The following RYR2 variants were observed in gnomAD, a reference collection of about 807,000 sequenced individuals.
RYR2 encodes cardiac muscle ryanodine receptor-calcium release channel.
A neutral mutation model predicts 601.1 loss-of-function variants in RYR2; 227 were observed. The ratio of observed to expected loss-of-function variants is 0.38; its 90% confidence interval spans 0.34 to 0.42. RYR2 has a LOEUF of 0.42. Ranked by LOEUF, RYR2 falls within the 10% of genes least tolerant of loss-of-function variation. RYR2 has a pLI of 1.00. For synonymous variants in RYR2, 2,223 were observed against 2,175.1 expected, an observed-to-expected ratio of 1.02 and a Z score of -0.61; for missense variants, 4,646 against 6,156.5, an observed-to-expected ratio of 0.75 and a Z score of 8.21.
chr1:237,262,341 C>T (rs777351688), intron 1 of RYR2, among the ~76,000 whole-genome samples: 21 of 145,448 alleles, frequency 1.4e-4, no homozygotes, highest in Non-Finnish European at 3.1e-4. Flanking sequence ...CTGCAACCTC[C>T]GCCTCCCAGG....
chr1:237,784,952 G>C lies in RYR2; in HGVS notation c.13240G>C (p.Glu4414Gln), dbSNP rs1186955550. ...CATGAGCAACCCAGTCCCCATGCCT[G>C]AGGTGCAGGAAAAATTTCAGGTAAT... is the stretch of plus-strand genomic sequence containing the variant. ...DLMSNPVPMP[E>Q]VQEKFQEQKA... Residue 4414 changes from glutamate (E) to glutamine (Q), a missense_variant, in exon 90 of 105, where the codon GAG becomes CAG. By Grantham distance (29) the Glu-to-Gln change is conservative. This residue lies in a region of RYR2 where 364 missense variants were observed against 442.9 expected (regional missense o/e 0.82). Transcript: ENST00000366574. This position sits in a 1 kb window ranked among gnomAD's most constrained non-coding sequence, Gnocchi z 7.1. 7 of 1,594,622 alleles carry C rather than the reference G, an allele frequency of 4.4e-6. No homozygotes were observed. The South Asian group carries it at 4.5e-5, about 10-fold the overall frequency.
intron 60 of RYR2, among the ~76,000 whole-genome samples, chr1:237,676,831 A>AT (rs1238073246): frequency 6.6e-6 from 1 of 151,922 alleles, no homozygotes; most frequent in Non-Finnish European, 1.5e-5. Context: ...GCACAGAAGC[A>AT]TTTTTTTTAA....
intron 1 of RYR2, among the ~76,000 whole-genome samples, chr1:237,096,668 C>A (rs1298920302): frequency 2.0e-5 from 3 of 152,144 alleles, no homozygotes; most frequent in Non-Finnish European, 4.4e-5. Flanking sequence ...TTATTTTTAA[C>A]CTTCAGAAAA....
At chr1:237,201,266 C>G (rs907709098) in intron 1 of RYR2, among the ~76,000 whole-genome samples, 1 of 152,190 alleles carries the variant, frequency 6.6e-6, no homozygotes, top group Admixed American at 6.5e-5. Flanking sequence ...CTATTAGTGT[C>G]ACATTGAGGT....
In RYR2 at chr1:237,248,759, A is replaced by AT. The variant is rs34881922; in HGVS notation, c.49-21719dup. ...ATGACTAGACATTGAATGAATGTAC[A>AT]TTTTTTTTTTTTTTTTTTTGAGATG... On this transcript the variant is annotated intron_variant, in intron 1 of 104. Coordinates refer to ENST00000366574, the MANE Select transcript of RYR2 (RefSeq NM_001035.3). 5.1e-3 allele frequency among the ~76,000 whole-genome samples: 610 copies of AT among 119,898 alleles called. 1 individual carries two copies. The highest frequency in any genetic ancestry group is 0.014 in the East Asian group (57 of 4,126). 78.7% of individuals were successfully genotyped at this position (119,898 alleles called of 152,430 possible).
At chr1:237,212,843 C>T (rs958477608) in intron 1 of RYR2, among the ~76,000 whole-genome samples, 12 of 152,010 alleles carry the variant, frequency 7.9e-5, no homozygotes, top group Non-Finnish European at 1.8e-4. Context: ...AGCGTGATCT[C>T]GACTCACTGC....
chr1:237,747,930 A>G, intron 80 of RYR2, among the ~76,000 whole-genome samples: 1 of 152,166 alleles, frequency 6.6e-6, no homozygotes, highest in Admixed American at 6.6e-5. Context: ...ATTGAATCAT[A>G]GAGGGGAAAG....
At chr1:237,682,135 A>G (rs1206607192) in intron 62 of RYR2, among the ~76,000 whole-genome samples, 1 of 152,184 alleles carries the variant, frequency 6.6e-6, no homozygotes, top group African/African-American at 2.4e-5. Flanking sequence ...CATACTATGC[A>G]TATATCGAAG....
At chr1:237,773,340 G>A (rs1415428728) in intron 86 of RYR2, among the ~76,000 whole-genome samples, 180 bp from the exon 87 acceptor site, 1 of 152,080 alleles carries the variant, frequency 6.6e-6, no homozygotes, top group Non-Finnish European at 1.5e-5. Context: ...CTAAGAAGGA[G>A]GTTCACATAT....
chr1:237,299,130 T>TTA, intron 2 of RYR2, among the ~76,000 whole-genome samples: 1 of 151,496 alleles, frequency 6.6e-6, no homozygotes, highest in Non-Finnish European at 1.5e-5. Flanking sequence ...CTAGAGTCTT[T>TTA]TTTTTTTTCA....
intron 48 of RYR2, among the ~76,000 whole-genome samples, chr1:237,647,511 C>A (rs1682297248): frequency 2.6e-5 from 4 of 152,122 alleles, no homozygotes; most frequent in South Asian, 4.1e-4. Flanking sequence ...TCCTTTAGAA[C>A]ATTATTTGTT....
chr1:237,826,349 T>C (rs913374761), intron 101 of RYR2, among the ~76,000 whole-genome samples: 1 of 152,134 alleles, frequency 6.6e-6, no homozygotes, highest in African/African-American at 2.4e-5. Context: ...AAAAGGATGA[T>C]TTCATGTCCT....
At chr1:237,418,843 C>T (rs1001510020) in intron 11 of RYR2, among the ~76,000 whole-genome samples, 1 of 151,948 alleles carries the variant, frequency 6.6e-6, no homozygotes, top group East Asian at 1.9e-4. Context: ...TATAAATGCA[C>T]AATTGATCAA....
chr1:237,647,235 T>G (rs920930409), intron 48 of RYR2, among the ~76,000 whole-genome samples: 11 of 152,226 alleles, frequency 7.2e-5, no homozygotes, highest in Admixed American at 7.2e-4. Flanking sequence ...ACTCTGTCAG[T>G]TACTAGGTAT....
At chr1:237,422,524 T>C (rs772738833) in intron 11 of RYR2, among the ~76,000 whole-genome samples, 1 of 152,198 alleles carries the variant, frequency 6.6e-6, no homozygotes, top group Admixed American at 6.5e-5. Flanking sequence ...TCTAATAATA[T>C]AATTGTTCCA....
chr1:237,754,114 A>G (rs1037269132), intron 80 of RYR2, among the ~76,000 whole-genome samples: 3 of 150,598 alleles, frequency 2.0e-5, no homozygotes. Flanking sequence ...GAAATACAGT[A>G]TTTTTCTGCG....
chr1:237,160,522 A>G (rs2148858346), intron 1 of RYR2, among the ~76,000 whole-genome samples: 1 of 152,104 alleles, frequency 6.6e-6, no homozygotes, highest in South Asian at 2.1e-4. Flanking sequence ...ATTTAGAACT[A>G]ATGTCTGGGT....
chr1:237,333,785 G>A (rs988766180), intron 3 of RYR2, among the ~76,000 whole-genome samples: 1 of 152,052 alleles, frequency 6.6e-6, no homozygotes, highest in Non-Finnish European at 1.5e-5. Flanking sequence ...ACTATCTCCA[G>A]GTTAATAAAT....
intron 38 of RYR2, 146 bp downstream of exon 38, chr1:237,617,632 T>G (rs1437592005): frequency 2.5e-6 from 2 of 786,936 alleles, no homozygotes; most frequent in East Asian, 2.7e-5. Context: ...TATTCTTAGT[T>G]TCACCAAAAG....
Sources: gnomAD v4.1 joint callset for allele counts (sites outside exome capture counted in the v4.1 genomes callset) on GRCh38, gnomAD v4.1.1 for gene constraint, gnomAD v4.1.1 regional missense constraint, Gnocchi (gnomAD v3.1) non-coding constraint, MANE v1.5 for transcripts, NCBI Gene and HGNC (gene_info 2026-07-23, HGNC 2026-07-21) for gene names.